The following FAM227B variants were observed in gnomAD, a reference collection of about 807,000 sequenced individuals.
FAM227B encodes the protein family with sequence similarity 227 member B, also known as protein FAM227B.
Under a neutral mutation model 73.8 loss-of-function variants are expected in FAM227B, and 88 were observed. The ratio of observed to expected loss-of-function variants is 1.19; its 90% CI spans 1.00 to 1.42. The LOEUF is 1.42. Among genes scored for constraint, FAM227B ranks in the 40% most tolerant of loss-of-function variants. The probability of loss-of-function intolerance (pLI) is 0.00; values close to 1 mark genes in which losing one functional copy is unlikely to be tolerated. For missense variants in FAM227B, 632 were observed against 590.9 expected, an observed-to-expected ratio of 1.07 and a Z score of -0.72; for synonymous variants, 210 against 190.5, an observed-to-expected ratio of 1.10 and a Z score of -0.84.
At chr15:49,451,312 A>G (rs1178917983) in intron 11 of FAM227B, among the ~76,000 whole-genome samples, 1 of 152,088 alleles carries the variant, frequency 6.6e-6, no homozygotes. Context: ...AATTATAAAA[A>G]CTAAAAAAGT....
At chr15:49,511,246 G>C (rs113121443) in intron 10 of FAM227B, among the ~76,000 whole-genome samples, 8 of 152,200 alleles carry the variant, frequency 5.3e-5, no homozygotes, top group African/African-American at 1.7e-4. Context: ...TGCTTAAACA[G>C]ATCACTGTGG....
chr15:49,441,499 G>A (rs2051638374), intron 11 of FAM227B, among the ~76,000 whole-genome samples: 1 of 151,716 alleles, frequency 6.6e-6, no homozygotes. Context: ...CCAGAGGACT[G>A]AAGTAGACCA....
intron 9 of FAM227B, among the ~76,000 whole-genome samples, chr15:49,545,338 T>G (rs944412199): frequency 6.6e-6 from 1 of 152,322 alleles, no homozygotes; most frequent in African/African-American, 2.4e-5. Context: ...TGGTATCGGT[T>G]GTAATGTTTC....
chr15:49,492,698 T>C (rs745782438), intron 11 of FAM227B, among the ~76,000 whole-genome samples: 1 of 151,934 alleles, frequency 6.6e-6, no homozygotes, highest in African/African-American at 2.4e-5. Flanking sequence ...CTTAATGTTA[T>C]TAAGGTTAAA....
chr15:49,571,213 C>A, intron 8 of FAM227B, among the ~76,000 whole-genome samples: 1 of 151,648 alleles, frequency 6.6e-6, no homozygotes, highest in East Asian at 1.9e-4. Flanking sequence ...TGTTTTCCTG[C>A]TATTAAATTG....
intron 5 of FAM227B, 97 bp from the exon 6 acceptor site, chr15:49,577,761 T>G (rs760465406): frequency 2.6e-4 from 168 of 653,614 alleles, no homozygotes; most frequent in Non-Finnish European, 4.1e-4. Flanking sequence ...TAGATAACTA[T>G]AGATATATGT....
rs1166181726 is a variant in FAM227B at position 49,368,533 on chromosome 15, A to G, written c.1111-925T>C. Among the ~76,000 whole-genome samples, 5 of 152,334 alleles carry G rather than the reference A, an allele frequency of 3.3e-5. No homozygotes were observed. In the East Asian group the frequency reaches 9.6e-4, roughly 29 times the overall value. ...AAATAATGGGACTATCATAATCAAT[A>G]GCAATTCTTTGCTAGTAAAAAGTTA... On this transcript the variant is annotated intron_variant, in intron 12 of 15. Coordinates refer to ENST00000299338, the MANE Select transcript of FAM227B (RefSeq NM_152647.3).
intron 9 of FAM227B, among the ~76,000 whole-genome samples, chr15:49,552,209 T>A (rs2073115042): frequency 6.6e-6 from 1 of 152,222 alleles, no homozygotes; most frequent in Admixed American, 6.5e-5. Flanking sequence ...TGTGTGGGAA[T>A]ATCTTTATCT....
intron 1 of FAM227B, among the ~76,000 whole-genome samples, chr15:49,617,578 A>G (rs1470165191): frequency 4.6e-5 from 7 of 152,234 alleles, no homozygotes; most frequent in Admixed American, 4.6e-4. Context: ...ATTTAAATAT[A>G]AACAGAGCAT....
intron 11 of FAM227B, among the ~76,000 whole-genome samples, chr15:49,504,478 T>A (rs1040159376): frequency 1.1e-4 from 16 of 152,090 alleles, no homozygotes; most frequent in Non-Finnish European, 5.9e-5. Context: ...TTACTCAAAG[T>A]GTGTGGAACT....
At chr15:49,593,431 A>C (rs1200940256) in intron 3 of FAM227B, among the ~76,000 whole-genome samples, 3 of 151,806 alleles carry the variant, frequency 2.0e-5, no homozygotes, top group Admixed American at 2.0e-4. Context: ...TTTATTTTTT[A>C]TTTTTATTTT....
At chr15:49,593,705 T>G (rs969629599) in intron 3 of FAM227B, among the ~76,000 whole-genome samples, 1 of 152,224 alleles carries the variant, frequency 6.6e-6, no homozygotes, top group Non-Finnish European at 1.5e-5. Flanking sequence ...TTTCCATTCT[T>G]AAGTTACTTC....
In FAM227B at chr15:49,431,478, CA is replaced by C. The variant is rs575364997; in HGVS notation, c.1013-60080del. Among the ~76,000 whole-genome samples, 721 of 151,794 alleles carry C rather than the reference CA, an allele frequency of 4.7e-3. 9 individuals carry two copies. Among genetic ancestry groups the C allele is most frequent in the Non-Finnish European group, 8.3e-3 (565 of 67,810 alleles). ...TGGGGAGTGAGAGAGGAGAATTATC[CA>C]GTACCCATGCCCAAGTAAACCTTGT... On this transcript the variant is annotated intron_variant, in intron 11 of 15. Coordinates refer to ENST00000299338, the MANE Select transcript of FAM227B (RefSeq NM_152647.3).
At chr15:49,591,347 G>A (rs1252193569) in intron 3 of FAM227B, among the ~76,000 whole-genome samples, 1 of 149,382 alleles carries the variant, frequency 6.7e-6, no homozygotes. Flanking sequence ...TGGGATTATA[G>A]GTGTGAGCCA....
rs1460344412 is a variant in FAM227B, at chr15:49,355,894, G to A, written c.1271+11554C>T. ...CCATCAGACTAACAGTGGATCTCTC[G>A]GCAGAAACCCTACAAGCCAGAAGAG... On this transcript the variant is annotated intron_variant, in intron 13 of 15. Transcript: ENST00000299338. 3.3e-5 allele frequency among the ~76,000 whole-genome samples: 5 copies of A among 151,914 alleles called. No homozygotes were observed. The East Asian group carries it at 5.8e-4, about 18-fold the overall frequency.
chr15:49,551,333 G>C (rs2072983615), intron 9 of FAM227B, among the ~76,000 whole-genome samples: 1 of 152,120 alleles, frequency 6.6e-6, no homozygotes, highest in East Asian at 1.9e-4. Context: ...TTGCTGAATT[G>C]ACCCCTTTAT....
In FAM227B at chr15:49,479,606, T is replaced by TG. The variant is rs1175144614; in HGVS notation, c.1012+28604_1012+28605insC. ...TTCATAGTTAATACCTCTGTTTTTT[T>TG]TTTTTTTTTTTTTTTTTTTTTTGTG... On this transcript the variant is annotated intron_variant, in intron 11 of 15. Transcript: ENST00000299338. Among the ~76,000 whole-genome samples the TG allele has an allele frequency of 3.9e-3, 304 of 77,170 alleles. 3 individuals carry two copies. The highest frequency in any genetic ancestry group is 0.016 in the African/African-American group (291 of 17,998). The allele number at this position is 77,170 out of a possible 152,430, so 50.6% of individuals were successfully genotyped here. A position where few individuals can be genotyped will look rare whatever the true frequency, so the allele number is the denominator to read the frequency against.
At chr15:49,344,201 A>T (rs2041136748) in intron 13 of FAM227B, 2 of 152,214 alleles carry the variant, frequency 1.3e-5, no homozygotes, top group African/African-American at 4.8e-5. Flanking sequence ...ATGTAATCAA[A>T]AGAAAGAAAA....
At chr15:49,536,963 T>C (rs1347119858) in intron 10 of FAM227B, among the ~76,000 whole-genome samples, 1 of 152,038 alleles carries the variant, frequency 6.6e-6, no homozygotes, top group African/African-American at 2.4e-5. Flanking sequence ...TCATAAAACT[T>C]CTAAATGAGA....
Sources: allele counts gnomAD v4.1 joint callset (sites outside exome capture counted in the v4.1 genomes callset), GRCh38; gene constraint gnomAD v4.1.1; transcripts MANE v1.5; gene names NCBI Gene and HGNC (gene_info 2026-07-23, HGNC 2026-07-21).